TRIM56: variants seen among roughly 807,000 people sequenced by gnomAD.
TRIM56 encodes the protein tripartite motif containing 56.
A neutral mutation model predicts 17.1 loss-of-function variants in TRIM56; 10 were observed. The observed-to-expected ratio is 0.58, with a 90% CI of 0.36 to 0.99. The LOEUF (loss-of-function observed/expected upper bound fraction) is 0.99. TRIM56 is among the 50% of genes least tolerant of loss of function. TRIM56 has a pLI of 0.01. For missense variants in TRIM56, 923 were observed against 1,052.3 expected (o/e 0.88, Z 1.70); for synonymous variants, 503 against 473.5 (o/e 1.06, Z -0.81).
In TRIM56 at chr7:101,089,091, G is replaced by T; in HGVS notation, c.1779G>T (p.Ala593=). 1 of 1,598,950 alleles carries T rather than the reference G, an allele frequency of 6.3e-7. No homozygotes were observed. ...RALSLSQASH[A]VAALPSGDRV... is the part of the protein sequence containing the mutation. Reference sequence around the variant, plus strand: ...TGAGCCTCTCCCAGGCCAGCCACGCGGTGGCGGCACTGCCTAGCGGGGACC... The same window carrying T: ...TGAGCCTCTCCCAGGCCAGCCACGCTGTGGCGGCACTGCCTAGCGGGGACC... Residue 593 remains alanine, a synonymous_variant, in exon 3 of 3, where the codon GCG becomes GCT. Transcript: ENST00000306085.
Position 101,088,770 on chromosome 7 carries a change from C to T in TRIM56, c.1458C>T (p.Gly486=), listed in dbSNP as rs1228533529. ...TGGGGCCGAATCTGGACGGCTCTGG[C>T]CTCCTCCCCAGACCCATCTTTTACT... The part of the protein sequence containing the change: ...PALGPNLDGS[G]LLPRPIFYCS... The change falls in exon 3 of 3, where the codon GGC becomes GGT. Residue 486 remains glycine (G), a synonymous_variant. Transcript: ENST00000306085. 2 of 1,613,958 alleles carry T rather than the reference C, an allele frequency of 1.2e-6. No individual in the cohort carries two copies. Among genetic ancestry groups the T allele is most frequent in the Admixed American group, 1.7e-5 (1 of 60,030 alleles).
Position 101,097,818 on chromosome 7 carries a change from T to C in TRIM56, c.*8238T>C, listed in dbSNP as rs1795672793. 1 of 152,234 alleles carries C rather than the reference T, an allele frequency of 6.6e-6. No individual in the cohort carries two copies. The highest frequency in any genetic ancestry group is 2.1e-4 in the South Asian group (1 of 4,832). The allele number at this position is 152,234 out of a possible 1,614,324, so 9.4% of individuals were successfully genotyped here. A position where few individuals can be genotyped will look rare whatever the true frequency, so the allele number is the denominator to read the frequency against. On this transcript the variant is annotated 3_prime_UTR_variant, in exon 3 of 3. Coordinates refer to ENST00000306085, the MANE Select transcript of TRIM56 (RefSeq NM_030961.3). ...ACATTGCCATGGGCTAAACCCAGTG[T>C]GCTGTAAACTCTTCAGTTCCTTTGG...
Position 101,088,324 on chromosome 7 carries a change from T to A in TRIM56, c.1012T>A (p.Cys338Ser). Residue 338 changes from cysteine to serine, a missense_variant, in exon 3 of 3, where the codon TGC (cysteine) becomes AGC (serine). Cys to Ser is a moderately radical substitution (Grantham distance 112). Around this residue, in one of 3 missense-constraint regions of TRIM56, gnomAD observed 643 missense variants for 665.6 expected, o/e 0.97. Transcript: ENST00000306085. ...IAQRLRQLQG[C>S]PWAPGPAPCL... is the part of the protein sequence containing the mutation. ...ACAGCGGCTCAGGCAGCTGCAGGGC[T>A]GCCCCTGGGCACCAGGCCCGGCCCC... The A allele has an allele frequency of 6.5e-7, 1 of 1,528,570 alleles. No individual in the cohort carries two copies. Among genetic ancestry groups the A allele is most frequent in the Non-Finnish European group, 8.8e-7 (1 of 1,142,540 alleles). 94.7% of individuals were successfully genotyped at this position (1,528,570 alleles called of 1,614,324 possible). A position where few individuals can be genotyped will look rare whatever the true frequency, so the allele number is the denominator to read the frequency against.
Position 101,089,865 on chromosome 7 carries a change from C to T in TRIM56, c.*285C>T, listed in dbSNP as rs116557866. 0.01 allele frequency: 4,151 copies of T among 407,772 alleles called. 141 individuals carry two copies. Among genetic ancestry groups the T allele is most frequent in the African/African-American group, 0.077 (3,781 of 49,356 alleles). 25.3% of individuals were successfully genotyped at this position (407,772 alleles called of 1,614,324 possible). A position where few individuals can be genotyped will look rare whatever the true frequency, so the allele number is the denominator to read the frequency against. ...TGTGGGTGGCTGCTGCCACCACCGCCGCTGCTATATAGTTTAGGTTTCTGA... is the reference window on the plus strand; with the variant it reads ...TGTGGGTGGCTGCTGCCACCACCGCTGCTGCTATATAGTTTAGGTTTCTGA... On this transcript the variant is annotated 3_prime_UTR_variant, in exon 3 of 3. Transcript: ENST00000306085.
Position 101,090,618 on chromosome 7 carries a change from A to C in TRIM56, c.*1038A>C, listed in dbSNP as rs1248830495. On this transcript the variant is annotated 3_prime_UTR_variant, in exon 3 of 3. Transcript: ENST00000306085. The stretch of plus-strand genomic sequence containing the variant: ...CAGACCCCATCTCGAAAAAAAAAAA[A>C]AAAAAAAAAAACAGAAACAACAGAA... 1.3e-5 allele frequency: 2 copies of C among 150,768 alleles called. No homozygotes were observed. The highest frequency in any genetic ancestry group is 2.9e-5 in the Non-Finnish European group (2 of 67,828). 9.3% of individuals were successfully genotyped at this position (150,768 alleles called of 1,614,324 possible). A position where few individuals can be genotyped will look rare whatever the true frequency, so the allele number is the denominator to read the frequency against.
chr7:101,088,475 G>T lies in TRIM56; in HGVS notation c.1163G>T (p.Gly388Val), dbSNP rs1348503935. ...GGGAAAGACGGAGCTGGTACCCAGG[G>T]AGGTGAGGAGAGCCAGAGCCGGAGG... ...DGGKDGAGTQ[G>V]GEESQSRRED... Residue 388 changes from glycine (G) to valine (V), a missense_variant, in exon 3 of 3, where the codon GGA (glycine) becomes GTA (valine). Transcript: ENST00000306085. 1.2e-6 allele frequency: 2 copies of T among 1,613,906 alleles called. No homozygotes were observed. The highest frequency in any genetic ancestry group is 2.2e-5 in the East Asian group (1 of 44,874).
Position 101,087,179 on chromosome 7 carries a change from A to G in TRIM56, c.-2+11A>G. On this transcript the variant is annotated intron_variant, in intron 2 of 2. Coordinates refer to ENST00000306085, the MANE Select transcript of TRIM56 (RefSeq NM_030961.3). The stretch of plus-strand genomic sequence containing the variant: ...TTCCTGGCCATTCAGGTGAGACCTC[A>G]GGTTCCTTCCCGGCCATTTGGGTCA... The G allele has an allele frequency of 1.2e-6, 1 of 815,424 alleles. No individual in the cohort carries two copies. The highest frequency in any genetic ancestry group is 2.0e-6 in the Non-Finnish European group (1 of 508,714). 50.5% of individuals were successfully genotyped at this position (815,424 alleles called of 1,614,324 possible).
rs777325125 is a variant in TRIM56, at chr7:101,087,802, C to T, written c.490C>T (p.Arg164Cys). 12 of 1,605,732 alleles carry T rather than the reference C, an allele frequency of 7.5e-6. No homozygotes were observed. The highest frequency in any genetic ancestry group is 5.3e-5 in the African/African-American group (4 of 74,862). ...AGWYDEEARERQAAQCPQHPG... is the reference protein window; with the variant it reads ...AGWYDEEARECQAAQCPQHPG... ...GTGGTATGATGAGGAGGCCCGGGAG[C>T]GCCAAGCGGCCCAGTGTCCCCAGCA... Residue 164 changes from arginine (R) to cysteine (C), a missense_variant, in exon 3 of 3, where the codon CGC becomes TGC. Transcript: ENST00000306085.
At position 101,095,819 on chromosome 7, in the gene TRIM56, A is replaced by C. The variant is rs1795645496; in HGVS notation, c.*6239A>C. ...TGCATTGAGCATAATTTGGAGGTAA[A>C]ATCTCCAACACCGTAACTGAGTGGC... On this transcript the variant is annotated 3_prime_UTR_variant, in exon 3 of 3. Coordinates refer to ENST00000306085, the MANE Select transcript of TRIM56 (RefSeq NM_030961.3). The C allele has an allele frequency of 6.6e-6, 1 of 152,202 alleles. No homozygotes were observed. The highest frequency in any genetic ancestry group is 1.5e-5 in the Non-Finnish European group (1 of 68,042). The allele number at this position is 152,202 out of a possible 1,614,324, so 9.4% of individuals were successfully genotyped here.
At position 101,091,922 on chromosome 7, in the gene TRIM56, CG is replaced by C. The variant is rs1173739968; in HGVS notation, c.*2343del. The stretch of plus-strand genomic sequence containing the variant: ...CCTGCCTCAGCCTGCCGAGTGCCTG[CG>C]ATTGCAGGCGCGCGCCGCCACGCCT... On this transcript the variant is annotated 3_prime_UTR_variant, in exon 3 of 3. Coordinates refer to ENST00000306085, the MANE Select transcript of TRIM56 (RefSeq NM_030961.3). The C allele has an allele frequency of 3.3e-6, 1 of 303,780 alleles. No homozygotes were observed. Among genetic ancestry groups the C allele is most frequent in the Non-Finnish European group, 6.5e-6 (1 of 153,498 alleles). The allele number at this position is 303,780 out of a possible 1,614,324, so 18.8% of individuals were successfully genotyped here.
In TRIM56 at chr7:101,087,997, G is replaced by C. The variant is rs1394247634; in HGVS notation, c.685G>C (p.Glu229Gln). 1.9e-6 allele frequency: 3 copies of C among 1,587,522 alleles called. No individual in the cohort carries two copies. Among genetic ancestry groups the C allele is most frequent in the Non-Finnish European group, 2.6e-6 (3 of 1,173,678 alleles). The part of the protein sequence containing the change: ...LLAGVDNNLV[E>Q]LEAARRVEKE... The stretch of plus-strand genomic sequence containing the variant: ...GGCCGGTGTGGACAATAACCTGGTG[G>C]AGCTGGAGGCAGCGCGGAGGGTGGA... Residue 229 changes from glutamate (E) to glutamine (Q), a missense_variant, in exon 3 of 3, where the codon GAG becomes CAG. By Grantham distance (29) the Glu-to-Gln change is conservative. Coordinates refer to ENST00000306085, the MANE Select transcript of TRIM56 (RefSeq NM_030961.3).
rs1479362795 is a variant in TRIM56 at position 101,095,258 on chromosome 7, C to T, written c.*5678C>T. ...GAGGTGGTGGCATGCACCCGTAGTC[C>T]CAGCTGCTCGGGAGGCTGAGGCAGA... On this transcript the variant is annotated 3_prime_UTR_variant, in exon 3 of 3. Transcript: ENST00000306085. 3 of 152,352 alleles carry T rather than the reference C, an allele frequency of 2.0e-5. No homozygotes were observed. Among genetic ancestry groups the T allele is most frequent in the African/African-American group, 7.2e-5 (3 of 41,398 alleles). The allele number at this position is 152,352 out of a possible 1,614,324, so 9.4% of individuals were successfully genotyped here. A position where few individuals can be genotyped will look rare whatever the true frequency, so the allele number is the denominator to read the frequency against.
chr7:101,091,938 C>G lies in TRIM56; in HGVS notation c.*2358C>G, dbSNP rs553587039. ...GAGTGCCTGCGATTGCAGGCGCGCG[C>G]CGCCACGCCTGACTGGTTTTCGTAT... On this transcript the variant is annotated 3_prime_UTR_variant, in exon 3 of 3. Coordinates refer to ENST00000306085, the MANE Select transcript of TRIM56 (RefSeq NM_030961.3). 3.3e-6 allele frequency: 1 copy of G among 302,202 alleles called. No individual in the cohort carries two copies. The highest frequency in any genetic ancestry group is 2.3e-5 in the African/African-American group (1 of 43,214). The allele number at this position is 302,202 out of a possible 1,614,324, so 18.7% of individuals were successfully genotyped here.
chr7:101,088,933 A>G lies in TRIM56; in HGVS notation c.1621A>G (p.Lys541Glu), dbSNP rs749411603. The change falls in exon 3 of 3, where the codon AAG becomes GAG. Residue 541 changes from lysine to glutamate, a missense_variant. Around this residue, in one of 3 missense-constraint regions of TRIM56, gnomAD observed 643 missense variants for 665.6 expected, o/e 0.97. Transcript: ENST00000306085. The part of the protein sequence containing the change: ...LKRFSLNGDY[K>E]GTVPVPEGCS... Reference sequence around the variant, plus strand: ...ACGCTTCTCCCTCAACGGCGACTACAAGGGCACCGTGCCGGTCCCTGAGGG... The same window carrying G: ...ACGCTTCTCCCTCAACGGCGACTACGAGGGCACCGTGCCGGTCCCTGAGGG... 4.3e-6 allele frequency: 7 copies of G among 1,613,620 alleles called. No individual in the cohort carries two copies. The Admixed American group carries it at 1.0e-4, about 23-fold the overall frequency.
At position 101,087,648 on chromosome 7, in the gene TRIM56, C is replaced by T. The variant is rs776207386; in HGVS notation, c.336C>T (p.Thr112=). 1.7e-5 allele frequency: 27 copies of T among 1,607,688 alleles called. No homozygotes were observed. The highest frequency in any genetic ancestry group is 8.0e-5 in the African/African-American group (6 of 74,790). The part of the protein sequence containing the change: ...ALCPLVGGTS[T]GGPATARCLD... ...GTCCCCTGGTGGGTGGCACCAGCACCGGGGGGCCGGCCACGGCCCGGTGCC... is the reference window on the plus strand; with the variant it reads ...GTCCCCTGGTGGGTGGCACCAGCACTGGGGGGCCGGCCACGGCCCGGTGCC... The change falls in exon 3 of 3, where the codon ACC becomes ACT. Residue 112 remains threonine, a synonymous_variant. Transcript: ENST00000306085.
chr7:101,088,048 G>C lies in TRIM56; in HGVS notation c.736G>C (p.Glu246Gln), dbSNP rs768543508. The C allele has an allele frequency of 6.6e-5, 101 of 1,537,276 alleles. No individual in the cohort carries two copies. Among genetic ancestry groups the C allele is most frequent in the Non-Finnish European group, 8.7e-5 (100 of 1,145,308 alleles). Residue 246 changes from glutamate to glutamine, a missense_variant, in exon 3 of 3, where the codon GAG (glutamate) becomes CAG (glutamine). By Grantham distance (29) the Glu-to-Gln change is conservative. This residue lies in a region of TRIM56 where 643 missense variants were observed against 665.6 expected (regional missense o/e 0.97). Transcript: ENST00000306085. ...GAAGGAGGCGCTAGCCCGGCTGCGG[G>C]AGCAGGCGGCCCGGGTGGGGACTCA... ...VEKEALARLR[E>Q]QAARVGTQVE...
At position 101,088,296 on chromosome 7, in the gene TRIM56, C is replaced by T. The variant is rs564406356; in HGVS notation, c.984C>T (p.Ile328=). ...AGATCCTCTCCCTGGAAGGGGCGAT[C>T]GCACAGCGGCTCAGGCAGCTGCAGG... ...EAEILSLEGA[I]AQRLRQLQGC... is the part of the protein sequence containing the mutation. Residue 328 remains isoleucine, a synonymous_variant, in exon 3 of 3, where the codon ATC becomes ATT. Transcript: ENST00000306085. 25 of 1,523,932 alleles carry T rather than the reference C, an allele frequency of 1.6e-5. No individual in the cohort carries two copies. Among genetic ancestry groups the T allele is most frequent in the East Asian group, 1.4e-4 (6 of 43,840 alleles). 94.4% of individuals were successfully genotyped at this position (1,523,932 alleles called of 1,614,324 possible). A position where few individuals can be genotyped will look rare whatever the true frequency, so the allele number is the denominator to read the frequency against.
chr7:101,094,934 A>AC lies in TRIM56; in HGVS notation c.*5354_*5355insC, dbSNP rs2116545262. ...GTGAATGTCTGTGAAGTGAATTACT[A>AC]TCTAGACAAGGATGAGACTGGTATG... On this transcript the variant is annotated 3_prime_UTR_variant, in exon 3 of 3. Coordinates refer to ENST00000306085, the MANE Select transcript of TRIM56 (RefSeq NM_030961.3). The AC allele has an allele frequency of 6.6e-6, 1 of 152,112 alleles. No homozygotes were observed. Among genetic ancestry groups the AC allele is most frequent in the African/African-American group, 2.4e-5 (1 of 41,468 alleles). 9.4% of individuals were successfully genotyped at this position (152,112 alleles called of 1,614,324 possible). A position where few individuals can be genotyped will look rare whatever the true frequency, so the allele number is the denominator to read the frequency against.
chr7:101,088,497 G>A lies in TRIM56; in HGVS notation c.1185G>A (p.Arg395=). 1 of 1,613,892 alleles carries A rather than the reference G, an allele frequency of 6.2e-7. No homozygotes were observed. Among genetic ancestry groups the A allele is most frequent in the Non-Finnish European group, 8.5e-7 (1 of 1,179,914 alleles). Residue 395 remains arginine, a synonymous_variant, in exon 3 of 3, where the codon CGG becomes CGA. Transcript: ENST00000306085. ...AGGGAGGTGAGGAGAGCCAGAGCCG[G>A]AGGGAGGATGAGCCGAAGACTGAGA... ...GTQGGEESQS[R]REDEPKTERQ...
Sources: allele counts gnomAD v4.1 joint callset, GRCh38; gene constraint gnomAD v4.1.1; regional missense constraint gnomAD v4.1.1; transcripts MANE v1.5; gene names NCBI Gene and HGNC (gene_info 2026-07-23, HGNC 2026-07-21).